The following RBFOX1 variants were observed in gnomAD, a reference collection of about 807,000 sequenced individuals.
RBFOX1 encodes RNA binding protein fox-1 homolog 1.
A neutral mutation model predicts 57.7 loss-of-function variants in RBFOX1; 8 were observed. The ratio of observed to expected loss-of-function variants is 0.14; its 90% CI spans 0.08 to 0.25. RBFOX1 has a LOEUF of 0.25. RBFOX1 is among the 10% of genes least tolerant of loss of function. RBFOX1 has a pLI of 1.00. For missense variants in RBFOX1, 611 were observed against 548.5 expected, an observed-to-expected ratio of 1.11 and a Z score of -1.14; for synonymous variants, 326 against 222.4, an observed-to-expected ratio of 1.47 and a Z score of -4.15.
chr16:6,311,289 C>G (rs1296607967), intron 1 of RBFOX1, among the ~76,000 whole-genome samples: 1 of 80,264 alleles, frequency 1.2e-5, no homozygotes, highest in Non-Finnish European at 2.3e-5. Flanking sequence ...GTACGAGACT[C>G]TGTCTCAAAA....
At chr16:6,151,727 A>G (rs1032942404) in intron 1 of RBFOX1, among the ~76,000 whole-genome samples, 11 of 152,248 alleles carry the variant, frequency 7.2e-5, no homozygotes, top group Non-Finnish European at 1.5e-5. Context: ...GCTGTGAACC[A>G]GGAAAACTAC....
chr16:7,335,809 G>C (rs2144721248), intron 4 of RBFOX1, among the ~76,000 whole-genome samples: 1 of 152,150 alleles, frequency 6.6e-6, no homozygotes, highest in Non-Finnish European at 1.5e-5. Flanking sequence ...TATCATATTG[G>C]ATCTCCTGAA....
At chr16:6,973,835 G>C (rs2086150788) in intron 3 of RBFOX1, among the ~76,000 whole-genome samples, 1 of 152,016 alleles carries the variant, frequency 6.6e-6, no homozygotes, top group Non-Finnish European at 1.5e-5. Flanking sequence ...TTGTTAAACA[G>C]GTAAACGTGT....
chr16:7,390,523 T>G (rs1242734837), intron 4 of RBFOX1, among the ~76,000 whole-genome samples: 2 of 152,198 alleles, frequency 1.3e-5, no homozygotes, highest in African/African-American at 4.8e-5. Flanking sequence ...CACAAAATTG[T>G]AAAGACTGAA....
intron 1 of RBFOX1, among the ~76,000 whole-genome samples, chr16:5,333,784 C>G (rs190223714): frequency 1.8e-4 from 27 of 152,308 alleles, no homozygotes; most frequent in South Asian, 6.2e-4. Flanking sequence ...ACCTCTACAG[C>G]ATGTTATTTT....
At chr16:6,431,927 TTCTTTCTTTC>T (rs1567258376) in intron 2 of RBFOX1, among the ~76,000 whole-genome samples, 3 of 150,722 alleles carry the variant, frequency 2.0e-5, no homozygotes, top group Non-Finnish European at 4.4e-5. Context: ...CTTTCTTTCT[TTCTTTCTTTC>T]TTTCTTTCTT....
intron 3 of RBFOX1, among the ~76,000 whole-genome samples, chr16:6,799,792 G>A (rs188552115): frequency 6.6e-6 from 1 of 152,036 alleles, no homozygotes; most frequent in African/African-American, 2.4e-5. Flanking sequence ...CTTAACACCA[G>A]TGGTTTGCTA....
intron 4 of RBFOX1, among the ~76,000 whole-genome samples, chr16:7,219,157 T>C (rs542186858): frequency 6.6e-6 from 1 of 152,252 alleles, no homozygotes; most frequent in African/African-American, 2.4e-5. Context: ...GCCTTGTTAA[T>C]TCACCCCCAT....
intron 3 of RBFOX1, among the ~76,000 whole-genome samples, chr16:6,710,391 C>G (rs1311168582): frequency 6.6e-6 from 1 of 152,158 alleles, no homozygotes; most frequent in Non-Finnish European, 1.5e-5. Flanking sequence ...AAAGCATGAT[C>G]ATTTCAGCGT....
chr16:5,899,334 C>T (rs998952583), intron 4 of RBFOX1, among the ~76,000 whole-genome samples: 2 of 152,054 alleles, frequency 1.3e-5, no homozygotes, highest in African/African-American at 4.8e-5. Flanking sequence ...GAGAGCCTGT[C>T]ATGCAGAAGC....
At chr16:5,770,050 AG>A (rs2053926108) in intron 3 of RBFOX1, among the ~76,000 whole-genome samples, 1 of 152,190 alleles carries the variant, frequency 6.6e-6, no homozygotes. Flanking sequence ...TTTACTGTGG[AG>A]GTAAGAATGA....
chr16:7,608,696 A>C (rs2056836908), intron 10 of RBFOX1, among the ~76,000 whole-genome samples: 1 of 152,192 alleles, frequency 6.6e-6, no homozygotes, highest in Admixed American at 6.5e-5. Flanking sequence ...TCTGTGCCTC[A>C]GTTTCCTCAT....
chr16:5,372,582 T>G (rs1277293855), intron 1 of RBFOX1, among the ~76,000 whole-genome samples: 1 of 152,080 alleles, frequency 6.6e-6, no homozygotes, highest in East Asian at 1.9e-4. Flanking sequence ...GCCGTGGAGG[T>G]GATGCTGACT....
At chr16:7,122,035 G>A (rs912321263) in intron 4 of RBFOX1, among the ~76,000 whole-genome samples, 21 of 151,928 alleles carry the variant, frequency 1.4e-4, no homozygotes, top group African/African-American at 3.6e-4. Context: ...AATATAAAAC[G>A]TAGAACTGTA....
rs542505385 is a variant in RBFOX1, at chr16:6,558,843, C to G, written c.-63-95760C>G. Reference sequence around the variant, plus strand: ...TTACCGCCATGCTGACTTTTACTTCCCCAAACATACCCAGCTCCTCCTGAG... The same window carrying G: ...TTACCGCCATGCTGACTTTTACTTCGCCAAACATACCCAGCTCCTCCTGAG... On this transcript the variant is annotated intron_variant, in intron 2 of 15. Coordinates refer to ENST00000550418, the MANE Select transcript of RBFOX1 (RefSeq NM_018723.4). 9.4e-4 allele frequency among the ~76,000 whole-genome samples: 139 copies of G among 148,272 alleles called. 1 individual carries two copies. Among genetic ancestry groups the G allele is most frequent in the African/African-American group, 3.3e-3 (135 of 40,466 alleles).
At chr16:6,556,826 G>C (rs997408224) in intron 2 of RBFOX1, among the ~76,000 whole-genome samples, 1 of 151,824 alleles carries the variant, frequency 6.6e-6, no homozygotes, top group African/African-American at 2.4e-5. Context: ...GTTATGTTTT[G>C]ACCCTTCTTT....
chr16:7,587,235 AT>A lies in RBFOX1; in HGVS notation c.415-9del, dbSNP rs2094179671. The A allele has an allele frequency of 2.6e-6, 4 of 1,546,562 alleles. No individual in the cohort carries two copies. The highest frequency in any genetic ancestry group is 3.5e-6 in the Non-Finnish European group (4 of 1,145,070). ...CTCTTCTTGCTTATAAGATATTTCT[AT>A]TTCTTTGCAGCAATTTGGTAAAATC... On this transcript the variant is annotated splice_polypyrimidine_tract_variant and intron_variant, in intron 6 of 15. Transcript: ENST00000550418.
intron 1 of RBFOX1, among the ~76,000 whole-genome samples, chr16:6,285,840 T>C (rs1375452489): frequency 6.6e-6 from 1 of 152,168 alleles, no homozygotes; most frequent in Non-Finnish European, 1.5e-5. Context: ...AGAAGCATCT[T>C]ATTTACATTG....
At chr16:6,824,152 C>G (rs530194921) in intron 3 of RBFOX1, among the ~76,000 whole-genome samples, 1 of 152,184 alleles carries the variant, frequency 6.6e-6, no homozygotes, top group Non-Finnish European at 1.5e-5. Flanking sequence ...CGCCTGTAAT[C>G]CCAGCACTTT....
Sources: allele counts gnomAD v4.1 joint callset (sites outside exome capture counted in the v4.1 genomes callset), GRCh38; gene constraint gnomAD v4.1.1; transcripts MANE v1.5; gene names NCBI Gene and HGNC (gene_info 2026-07-23, HGNC 2026-07-21).